Variants in PLEKHG1 observed in about 807,000 individuals in gnomAD.
PLEKHG1 encodes pleckstrin homology and RhoGEF domain containing G1.
Under a neutral mutation model 100.8 loss-of-function variants are expected in PLEKHG1, and 44 were observed. The observed-to-expected ratio is 0.44, with a 90% confidence interval of 0.34 to 0.56. The LOEUF (loss-of-function observed/expected upper bound fraction) is 0.56. Among genes scored for constraint, PLEKHG1 ranks in the 20% least tolerant of loss-of-function variants. The probability of loss-of-function intolerance (pLI) is 0.01; values close to 1 mark genes in which losing one functional copy is unlikely to be tolerated. For synonymous variants in PLEKHG1, 640 were observed against 662.5 expected, an observed-to-expected ratio of 0.97 and a Z score of 0.52; for missense variants, 1,545 against 1,720.9, an observed-to-expected ratio of 0.90 and a Z score of 1.81.
intron 3 of PLEKHG1, among the ~76,000 whole-genome samples, chr6:150,667,095 T>C (rs544995394): frequency 3.3e-5 from 5 of 150,110 alleles, no homozygotes; most frequent in East Asian, 1.9e-4. Context: ...AGGGGGTGTG[T>C]GTGTGTTTGT....
At chr6:150,636,531 G>C (rs924585680) in intron 1 of PLEKHG1, among the ~76,000 whole-genome samples, 8 of 151,100 alleles carry the variant, frequency 5.3e-5, no homozygotes, top group Admixed American at 5.3e-4. Flanking sequence ...CCTTTTCTGT[G>C]ATCATTCATC....
At chr6:150,750,044 C>T (rs1783406172) in intron 2 of PLEKHG1, among the ~76,000 whole-genome samples, 2 of 144,268 alleles carry the variant, frequency 1.4e-5, no homozygotes, top group South Asian at 4.2e-4. Context: ...TGCACTCCAG[C>T]CTGGGTGACA....
At chr6:150,780,982 TC>T (rs1270176562) in intron 3 of PLEKHG1, among the ~76,000 whole-genome samples, 1 of 151,776 alleles carries the variant, frequency 6.6e-6, no homozygotes, top group Non-Finnish European at 1.5e-5. Context: ...CAAGCAATTC[TC>T]CTGCCTCAGC....
intron 2 of PLEKHG1, among the ~76,000 whole-genome samples, chr6:150,752,631 A>G (rs1475485828): frequency 6.6e-6 from 1 of 152,162 alleles, no homozygotes; most frequent in African/African-American, 2.4e-5. Flanking sequence ...ACTAATTAGA[A>G]TTACCTTTTA....
At chr6:150,693,714 G>A (rs1387520548) in intron 3 of PLEKHG1, among the ~76,000 whole-genome samples, 1 of 152,276 alleles carries the variant, frequency 6.6e-6, no homozygotes, top group South Asian at 2.1e-4. Flanking sequence ...TCGATACCCA[G>A]CCCTTGGGAA....
At chr6:150,838,644 C>G (rs974330028) in intron 15 of PLEKHG1, among the ~76,000 whole-genome samples, 2 of 152,158 alleles carry the variant, frequency 1.3e-5, no homozygotes, top group Non-Finnish European at 2.9e-5. Context: ...AAGAGAATCC[C>G]CTACCCATAG....
chr6:150,759,426 C>A (rs1371969155), intron 2 of PLEKHG1, among the ~76,000 whole-genome samples: 1 of 152,142 alleles, frequency 6.6e-6, no homozygotes, highest in African/African-American at 2.4e-5. Flanking sequence ...CAAAATTAAT[C>A]ATCAGCAAAC....
chr6:150,776,263 G>C (rs1784956364), intron 3 of PLEKHG1, among the ~76,000 whole-genome samples: 1 of 152,258 alleles, frequency 6.6e-6, no homozygotes, highest in Non-Finnish European at 1.5e-5. Context: ...AAGGAAACGA[G>C]AAAAGATCCA....
At chr6:150,796,737 C>T (rs1435128699) in intron 5 of PLEKHG1, among the ~76,000 whole-genome samples, 1 of 152,138 alleles carries the variant, frequency 6.6e-6, no homozygotes, top group Non-Finnish European at 1.5e-5. Context: ...ACCATCACCC[C>T]TGCCCCTTCC....
At chr6:150,840,825 C>G in exon 16 of PLEKHG1, 4 of 1,614,096 alleles carry the variant, frequency 2.5e-6, no homozygotes, top group Non-Finnish European at 3.4e-6. Context: ...GGGGCCATCT[C>G]CCAATCAACA....
At chr6:150,603,415 A>G (rs1776451766) in intron 1 of PLEKHG1, among the ~76,000 whole-genome samples, 1 of 152,224 alleles carries the variant, frequency 6.6e-6, no homozygotes, top group Admixed American at 6.5e-5. Context: ...AGAGATGACT[A>G]CATCTTCAGC....
exon 4 of PLEKHG1, chr6:150,786,401 A>G: frequency 1.2e-6 from 2 of 1,611,604 alleles, no homozygotes; most frequent in Non-Finnish European, 1.7e-6. Flanking sequence ...GAACTTCTGC[A>G]AGATTTGGAA....
At chr6:150,770,214 A>T (rs1361720176) in intron 3 of PLEKHG1, among the ~76,000 whole-genome samples, 4 of 152,216 alleles carry the variant, frequency 2.6e-5, no homozygotes, top group African/African-American at 9.6e-5. Context: ...TATAAATGCA[A>T]ACTCAGTCCT....
chr6:150,730,163 A>G (rs999629008), intron 1 of PLEKHG1, among the ~76,000 whole-genome samples: 2 of 152,088 alleles, frequency 1.3e-5, no homozygotes, highest in Non-Finnish European at 2.9e-5. Context: ...TCTATTCTGG[A>G]GAGATAGATT....
Position 150,683,491 on chromosome 6 carries a change from AG to A in PLEKHG1, c.-99+32707del, listed in dbSNP as rs962620810. 1.1e-5 allele frequency: 2 copies of A among 190,394 alleles called. No individual in the cohort carries two copies. The highest frequency in any genetic ancestry group is 2.2e-5 in the Non-Finnish European group (2 of 91,422). The allele number at this position is 190,394 out of a possible 1,614,324, so 11.8% of individuals were successfully genotyped here. A position where few individuals can be genotyped will look rare whatever the true frequency, so the allele number is the denominator to read the frequency against. On this transcript the variant is annotated intron_variant, in intron 3 of 3. Coordinates refer to the PLEKHG1 transcript ENST00000367326. The surrounding 1 kb of genome is among the most constrained non-coding windows in gnomAD (Gnocchi z 4.0). ...GGTTCACCCGCAGCAGGTCCGGTGA[AG>A]GAAGCACGTGTGTGTGTGTGGAAGG... is the stretch of plus-strand genomic sequence containing the variant.
At chr6:150,715,803 T>A (rs1169727184) in intron 3 of PLEKHG1, among the ~76,000 whole-genome samples, 3 of 148,042 alleles carry the variant, frequency 2.0e-5, no homozygotes, top group Non-Finnish European at 4.5e-5. Flanking sequence ...TATGCTGTCA[T>A]GTGCTCATAG....
intron 5 of PLEKHG1, among the ~76,000 whole-genome samples, chr6:150,797,495 C>G (rs1786417061): frequency 6.6e-6 from 1 of 151,926 alleles, no homozygotes; most frequent in African/African-American, 2.4e-5. Flanking sequence ...ACTGTTGCAC[C>G]ACTGCACTCC....
At chr6:150,629,763 C>T (rs1225187256) in intron 1 of PLEKHG1, among the ~76,000 whole-genome samples, 1 of 152,150 alleles carries the variant, frequency 6.6e-6, no homozygotes, top group Non-Finnish European at 1.5e-5. Context: ...CTGGCTGAAT[C>T]ATCCATTTTT....
chr6:150,732,087 G>A (rs1444725556), intron 1 of PLEKHG1, among the ~76,000 whole-genome samples: 19 of 150,816 alleles, frequency 1.3e-4, no homozygotes, highest in Non-Finnish European at 1.9e-4. Flanking sequence ...TCAGCCTCCC[G>A]AGTAGCTGGG....
Sources: gnomAD v4.1 joint callset for allele counts (sites outside exome capture counted in the v4.1 genomes callset) on GRCh38, gnomAD v4.1.1 for gene constraint, Gnocchi (gnomAD v3.1) non-coding constraint, MANE v1.5 for transcripts, NCBI Gene and HGNC (gene_info 2026-07-23, HGNC 2026-07-21) for gene names.